NR4A1: variants seen among roughly 807,000 people sequenced by gnomAD.
The protein encoded by NR4A1 is nuclear receptor subfamily 4immunitygroup A member 1.
NR4A1 carries 24 observed loss-of-function variants against 47.5 expected under a neutral mutation model. The observed-to-expected ratio is 0.50, with a 90% CI of 0.37 to 0.71. NR4A1 has a LOEUF of 0.71. Ranked by LOEUF, NR4A1 falls within the 30% of genes least tolerant of loss-of-function variation. The pLI is 0.00. For missense variants in NR4A1, 669 were observed against 788.6 expected (o/e 0.85, Z 1.82); for synonymous variants, 353 against 345.7 (o/e 1.02, Z -0.24).
chr12:52,038,472 T>C (rs1938321982), intron 1 of NR4A1: 1 of 492,330 alleles, frequency 2.0e-6, no homozygotes, highest in South Asian at 2.3e-5. Context: ...GTGGGGCTAG[T>C]ATTAGGGGCA....
chr12:52,055,776 G>A, intron 2 of NR4A1: 1 of 374,218 alleles, frequency 2.7e-6, no homozygotes, highest in Non-Finnish European at 4.8e-6. Flanking sequence ...CTGCCAGGGA[G>A]ACCCTGGCCC....
chr12:52,027,499 G>A (rs1247616473), intron 1 of NR4A1, among the ~76,000 whole-genome samples: 5 of 152,268 alleles, frequency 3.3e-5, no homozygotes, highest in Non-Finnish European at 7.3e-5. Context: ...GCAGCCTCTG[G>A]ATGCTGGGAG....
At chr12:52,048,573 G>A (rs1306720893), upstream of NR4A1, among the ~76,000 whole-genome samples, 1 of 152,182 alleles carries the variant, frequency 6.6e-6, no homozygotes, top group Non-Finnish European at 1.5e-5. Flanking sequence ...CAGCCTGGGT[G>A]ACAGAGCGAG....
intron 1 of NR4A1, among the ~76,000 whole-genome samples, chr12:52,029,514 C>T (rs984339284): frequency 6.6e-6 from 1 of 152,114 alleles, no homozygotes; most frequent in African/African-American, 2.4e-5. Context: ...AGAGTGAAAC[C>T]CCGTCTCTAC....
rs533290939 is a variant in NR4A1 at position 52,029,193 on chromosome 12, C to T, written c.-84+6254C>T. ...ATTGCCTGTCCAATGACAGGAGGGA[C>T]GCATACATGCACACACACTCCACCT... On this transcript the variant is annotated intron_variant, in intron 1 of 7. Coordinates refer to the NR4A1 transcript ENST00000360284. 2.6e-5 allele frequency among the ~76,000 whole-genome samples: 4 copies of T among 152,290 alleles called. No individual in the cohort carries two copies. The South Asian group carries it at 8.3e-4, about 32-fold the overall frequency.
intron 2 of NR4A1, chr12:52,043,539 G>T: frequency 2.4e-6 from 1 of 421,758 alleles, no homozygotes; most frequent in East Asian, 8.4e-5. Flanking sequence ...TGCCAGGCCT[G>T]GGCACGGGCC....
intron 4 of NR4A1, 51 bp downstream of exon 4, chr12:52,056,696 T>C (rs45510498): frequency 0.034 from 50,651 of 1,504,848 alleles, 1,086 homozygotes; most frequent in South Asian, 0.079. Flanking sequence ...GCACATGCAG[T>C]GCCTTTGTGC....
chr12:52,052,787 C>A, intron 1 of NR4A1: 1 of 496,832 alleles, frequency 2.0e-6, no homozygotes, highest in Non-Finnish European at 2.6e-6. Flanking sequence ...CAACTGCTGT[C>A]TTTCCTCCTT....
At chr12:52,056,856 G>A in intron 4 of NR4A1, 1 of 797,252 alleles carries the variant, frequency 1.3e-6, no homozygotes. Context: ...CCCTCAGGCA[G>A]GTGGCCAATT....
intron 1 of NR4A1, among the ~76,000 whole-genome samples, chr12:52,033,946 G>A (rs1311544324): frequency 1.3e-5 from 2 of 152,186 alleles, no homozygotes; most frequent in Non-Finnish European, 2.9e-5. Context: ...CCCCGCCCCC[G>A]AGGGCCAGGA....
rs574346728 is a variant in NR4A1, at chr12:52,057,333, G to T, written c.1362-19G>T. On this transcript the variant is annotated intron_variant, in intron 5 of 6. Transcript: ENST00000394825. Reference sequence around the variant, plus strand: ...CTGTGAACCACCCTGATCGCTCTTCGTGCCCATCTGCCTGCCAGGTCTAAG... The same window carrying T: ...CTGTGAACCACCCTGATCGCTCTTCTTGCCCATCTGCCTGCCAGGTCTAAG... 6.2e-7 allele frequency: 1 copy of T among 1,613,874 alleles called. No homozygotes were observed. The highest frequency in any genetic ancestry group is 8.5e-7 in the Non-Finnish European group (1 of 1,179,986).
Position 52,045,751 on chromosome 12 carries a change from G to A in NR4A1, c.37+3822G>A, listed in dbSNP as rs776598892. 5.9e-4 allele frequency among the ~76,000 whole-genome samples: 90 copies of A among 152,242 alleles called. 1 individual carries two copies. Among genetic ancestry groups the A allele is most frequent in the Non-Finnish European group, 1.9e-4 (13 of 68,034 alleles). On this transcript the variant is annotated intron_variant, in intron 2 of 7. Coordinates refer to the NR4A1 transcript ENST00000360284. ...GAGGAGTGCGGCCACTAGCTGACCT[G>A]CCTGGGTCCCTGGGAGGCTGGTTTT...
chr12:52,026,735 A>C (rs991074316), intron 1 of NR4A1, among the ~76,000 whole-genome samples: 5 of 152,186 alleles, frequency 3.3e-5, no homozygotes, highest in African/African-American at 1.2e-4. Context: ...GAGGCTTAGC[A>C]GATGTACAAA....
intron 1 of NR4A1, among the ~76,000 whole-genome samples, chr12:52,023,704 C>G (rs1937937916): frequency 1.3e-5 from 2 of 152,022 alleles, no homozygotes; most frequent in South Asian, 4.1e-4. Context: ...TCCCCTGCTG[C>G]TCCTCCTCCT....
chr12:52,035,203 C>T (rs1938210414), intron 1 of NR4A1, among the ~76,000 whole-genome samples: 1 of 152,220 alleles, frequency 6.6e-6, no homozygotes, highest in Non-Finnish European at 1.5e-5. Flanking sequence ...CTGCTTCTTC[C>T]ACCATCTCAC....
At chr12:52,042,825 G>A (rs966628059) in intron 2 of NR4A1, among the ~76,000 whole-genome samples, 2 of 152,236 alleles carry the variant, frequency 1.3e-5, no homozygotes, top group African/African-American at 4.8e-5. Flanking sequence ...AGGAGCTGGA[G>A]CTCTGCCTTG....
upstream of NR4A1, among the ~76,000 whole-genome samples, chr12:52,047,160 C>T (rs1478764813): frequency 6.6e-6 from 1 of 152,196 alleles, no homozygotes; most frequent in Non-Finnish European, 1.5e-5. Context: ...ATTACCTGTT[C>T]CCTCCTACCC....
chr12:52,043,684 A>G (rs1938522290), intron 2 of NR4A1: 9 of 1,226,586 alleles, frequency 7.3e-6, no homozygotes, highest in South Asian at 1.4e-5. Context: ...GGTTTCTGCT[A>G]TATAAACAGA....
At chr12:52,035,735 T>G (rs774253825) in intron 1 of NR4A1, among the ~76,000 whole-genome samples, 9 of 152,144 alleles carry the variant, frequency 5.9e-5, no homozygotes, top group Non-Finnish European at 1.2e-4. Flanking sequence ...CTTGGAATCA[T>G]TATGAAGAAT....
Sources: gnomAD v4.1 joint callset for allele counts (sites outside exome capture counted in the v4.1 genomes callset) on GRCh38, gnomAD v4.1.1 for gene constraint, MANE v1.5 for transcripts, NCBI Gene and HGNC (gene_info 2026-07-23, HGNC 2026-07-21) for gene names.